The following TCAF2 variants were observed in gnomAD, a reference collection of about 807,000 sequenced individuals.
TCAF2 encodes TRPM8 channel associated factor 2, also known as TRPM8 channel-associated factor 2.
Under a neutral mutation model 33.9 loss-of-function variants are expected in TCAF2, and 6 were observed. The ratio of observed to expected loss-of-function variants is 0.18; its 90% CI spans 0.10 to 0.35. The LOEUF is 0.35. Ranked by LOEUF, TCAF2 falls within the 10% of genes least tolerant of loss-of-function variation. TCAF2 has a pLI of 1.00. For missense variants in TCAF2, 109 were observed against 604.0 expected (o/e 0.18, Z 8.59); for synonymous variants, 41 against 247.8 (o/e 0.17, Z 7.84).
At chr7:143,707,543 AG>A (rs1809248335) in intron 2 of TCAF2, among the ~76,000 whole-genome samples, 1 of 138,050 alleles carries the variant, frequency 7.2e-6, no homozygotes, top group Non-Finnish European at 1.5e-5. Context: ...CAAGGAAGTC[AG>A]GGAATGAGCC....
At chr7:143,624,771 G>A (rs1219008495) in intron 1 of TCAF2, among the ~76,000 whole-genome samples, 1 of 47,614 alleles carries the variant, frequency 2.1e-5, no homozygotes, top group Non-Finnish European at 5.0e-5. Flanking sequence ...GATCGAGGCA[G>A]GCAAGTCATG....
rs540553242 is a variant in TCAF2 at position 143,724,508 on chromosome 7, A to C, written c.2316A>C (p.Pro772=). 3.6e-5 allele frequency: 58 copies of C among 1,611,158 alleles called. No individual in the cohort carries two copies. The African/African-American group carries it at 6.8e-4, about 19-fold the overall frequency. ...NQQRHGWEFP[P]HTTEATCNLW... ...AGCGGCATGGATGGGAGTTCCCCCC[A>C]CACACTACTGAGGCCACCTGTAACC... The change falls in exon 7 of 8, where the codon CCA becomes CCC. Residue 772 remains proline, a synonymous_variant. Transcript: ENST00000684770.
Position 143,729,098 on chromosome 7 carries a change from G to C in TCAF2, c.*1431G>C, listed in dbSNP as rs1472034011. 2 of 152,150 alleles carry C rather than the reference G, an allele frequency of 1.3e-5. No homozygotes were observed. Among genetic ancestry groups the C allele is most frequent in the Non-Finnish European group, 2.9e-5 (2 of 68,040 alleles). 9.4% of individuals were successfully genotyped at this position (152,150 alleles called of 1,614,324 possible). Reference sequence around the variant, plus strand: ...TTCATGAAGTATTTGTCAAAGGAAAGAACAGTAATGACACCTAACACATAA... The same window carrying C: ...TTCATGAAGTATTTGTCAAAGGAAACAACAGTAATGACACCTAACACATAA... On this transcript the variant is annotated 3_prime_UTR_variant, in exon 8 of 8. Transcript: ENST00000684770.
intron 7 of TCAF2, among the ~76,000 whole-genome samples, chr7:143,725,817 T>G (rs1227014045): frequency 1.5e-5 from 2 of 136,298 alleles, no homozygotes; most frequent in East Asian, 4.2e-4. Context: ...TCTCAATAGC[T>G]CTAGAGAGAC....
At chr7:143,701,594 G>A (rs1402230174) in intron 1 of TCAF2, among the ~76,000 whole-genome samples, 5 of 34,066 alleles carry the variant, frequency 1.5e-4, no homozygotes, top group Non-Finnish European at 2.8e-4. Context: ...GGCACAGGCA[G>A]CCAGGGGACT....
intron 1 of TCAF2, among the ~76,000 whole-genome samples, chr7:143,635,097 A>C (rs1376543197): frequency 3.7e-5 from 2 of 54,712 alleles, no homozygotes; most frequent in Non-Finnish European, 7.3e-5. Flanking sequence ...GTATTTTTAC[A>C]TTCTATACAA....
At position 143,701,757 on chromosome 7, in the gene TCAF2, T is replaced by C. The variant is rs932819616; in HGVS notation, c.-11-1227T>C. On this transcript the variant is annotated intron_variant, in intron 1 of 7. Coordinates refer to ENST00000684770, the MANE Select transcript of TCAF2 (RefSeq NM_001363538.2). ...TAGACATATTCTTTGCTTTATTTTA[T>C]TTTACTTTATTTTATTTTATTTTAT... Among the ~76,000 whole-genome samples the C allele has an allele frequency of 1.3e-3, 117 of 89,440 alleles. 2 individuals carry two copies. The highest frequency in any genetic ancestry group is 7.0e-3 in the Middle Eastern group (1 of 142). 58.7% of individuals were successfully genotyped at this position (89,440 alleles called of 152,430 possible). A position where few individuals can be genotyped will look rare whatever the true frequency, so the allele number is the denominator to read the frequency against.
At chr7:143,713,985 TAAAAG>T (rs1332198316) in intron 2 of TCAF2, among the ~76,000 whole-genome samples, 3 of 7,674 alleles carry the variant, frequency 3.9e-4, no homozygotes, top group Non-Finnish European at 5.5e-4. Flanking sequence ...CAGCTTAAAA[TAAAAG>T]AAAAAAAATA....
At chr7:143,622,587 A>G (rs1309671028) in intron 1 of TCAF2, among the ~76,000 whole-genome samples, 4 of 37,710 alleles carry the variant, frequency 1.1e-4, no homozygotes, top group African/African-American at 2.8e-4. Flanking sequence ...ACTTTATTTT[A>G]TTTTATTTTA....
At chr7:143,622,493 C>T (rs1301058223) in intron 1 of TCAF2, among the ~76,000 whole-genome samples, 7 of 9,044 alleles carry the variant, frequency 7.7e-4, no homozygotes, top group African/African-American at 1.9e-3. Context: ...CAGACACTCT[C>T]GTTTATTCCG....
chr7:143,718,351 A>T (rs1344596232), intron 2 of TCAF2, among the ~76,000 whole-genome samples: 1 of 145,492 alleles, frequency 6.9e-6, no homozygotes, highest in Non-Finnish European at 1.5e-5. Flanking sequence ...ATTTTTTTTA[A>T]ACAAAGATAT....
chr7:143,730,217 C>G lies in TCAF2; in HGVS notation c.*2550C>G, dbSNP rs767977222. 1 of 152,138 alleles carries G rather than the reference C, an allele frequency of 6.6e-6. No individual in the cohort carries two copies. Among genetic ancestry groups the G allele is most frequent in the Non-Finnish European group, 1.5e-5 (1 of 68,024 alleles). The allele number at this position is 152,138 out of a possible 1,614,324, so 9.4% of individuals were successfully genotyped here. On this transcript the variant is annotated 3_prime_UTR_variant, in exon 8 of 8. Transcript: ENST00000684770. Reference sequence around the variant, plus strand: ...CACAATGGTTGAACTAATTTACACTCCCAACAACAGTGTAAAAGCATTCCT... The same window carrying G: ...CACAATGGTTGAACTAATTTACACTGCCAACAACAGTGTAAAAGCATTCCT...
intron 1 of TCAF2, among the ~76,000 whole-genome samples, chr7:143,633,327 G>GT (rs1324729704): frequency 9.4e-6 from 1 of 106,626 alleles, no homozygotes; most frequent in Non-Finnish European, 1.8e-5. Flanking sequence ...TCACTATTTG[G>GT]TAAGTAAAAA....
Position 143,623,941 on chromosome 7 carries a change from G to A in TCAF2, c.-12+2921G>A, listed in dbSNP as rs773522020. ...GGTGCTCATTGCTGCCTCCTCCTAC[G>A]GCCGAGGCCGCCTCGTGGTTGTGTC... On this transcript the variant is annotated intron_variant, in intron 1 of 7. Coordinates refer to ENST00000684770, the MANE Select transcript of TCAF2 (RefSeq NM_001363538.2). 11 of 395,996 alleles carry A rather than the reference G, an allele frequency of 2.8e-5. 2 individuals are homozygous for A. Among genetic ancestry groups the A allele is most frequent in the African/African-American group, 6.6e-5 (2 of 30,160 alleles). 24.5% of individuals were successfully genotyped at this position (395,996 alleles called of 1,614,324 possible).
At chr7:143,725,505 C>A (rs867570464) in intron 7 of TCAF2, among the ~76,000 whole-genome samples, 2 of 151,596 alleles carry the variant, frequency 1.3e-5, no homozygotes, top group Non-Finnish European at 2.9e-5. Context: ...CTCCAGTAGC[C>A]CCCATTTAAG....
In TCAF2 at chr7:143,724,526, C is replaced by T; in HGVS notation, c.2334C>T (p.Thr778=). 1 of 1,610,966 alleles carries T rather than the reference C, an allele frequency of 6.2e-7. No homozygotes were observed. Among genetic ancestry groups the T allele is most frequent in the South Asian group, 1.1e-5 (1 of 90,912 alleles). The change falls in exon 7 of 8, where the codon ACC becomes ACT. Residue 778 remains threonine, a synonymous_variant. Transcript: ENST00000684770. ...WEFPPHTTEA[T]CNLWSVYVHE... The stretch of plus-strand genomic sequence containing the variant: ...TCCCCCCACACACTACTGAGGCCAC[C>T]TGTAACCTTTGGTCAGTCTACGTGC...
intron 1 of TCAF2, among the ~76,000 whole-genome samples, chr7:143,701,761 A>ACTTTT (rs1809168418): frequency 1.1e-5 from 1 of 91,866 alleles, no homozygotes; most frequent in Non-Finnish European, 2.3e-5. Flanking sequence ...ATTTTATTTT[A>ACTTTT]CTTTATTTTA....
In TCAF2 at chr7:143,729,119, C is replaced by T. The variant is rs1255369840; in HGVS notation, c.*1452C>T. The stretch of plus-strand genomic sequence containing the variant: ...GAAAGAACAGTAATGACACCTAACA[C>T]ATAATGAGTGATTAGTATGTTCCAG... On this transcript the variant is annotated 3_prime_UTR_variant, in exon 8 of 8. Transcript: ENST00000684770. The T allele has an allele frequency of 3.9e-5, 6 of 152,180 alleles. No individual in the cohort carries two copies. In the South Asian group the frequency reaches 8.3e-4, roughly 21 times the overall value. 9.4% of individuals were successfully genotyped at this position (152,180 alleles called of 1,614,324 possible). A position where few individuals can be genotyped will look rare whatever the true frequency, so the allele number is the denominator to read the frequency against.
At chr7:143,718,476 C>G (rs191670714) in intron 2 of TCAF2, among the ~76,000 whole-genome samples, 3,989 of 151,946 alleles carry the variant, frequency 0.026, 75 homozygotes, top group Non-Finnish European at 0.042. Context: ...AATTTTAAAA[C>G]TTTTTCCATT....
Sources: allele counts gnomAD v4.1 joint callset (sites outside exome capture counted in the v4.1 genomes callset), GRCh38; gene constraint gnomAD v4.1.1; transcripts MANE v1.5; gene names NCBI Gene and HGNC (gene_info 2026-07-23, HGNC 2026-07-21).